Variants in CEP63 observed in about 807,000 individuals in gnomAD.
CEP63 encodes the protein centrosomal protein 63.
Under a neutral mutation model 89.1 loss-of-function variants are expected in CEP63, and 84 were observed. The ratio of observed to expected loss-of-function variants is 0.94; its 90% CI spans 0.79 to 1.13. The LOEUF (loss-of-function observed/expected upper bound fraction) is 1.13. CEP63 is among the 50% of genes most tolerant of loss of function. The probability of loss-of-function intolerance (pLI) is 0.00; values close to 1 mark genes in which losing one functional copy is unlikely to be tolerated. For synonymous variants in CEP63, 267 were observed against 272.5 expected (o/e 0.98, Z 0.20); for missense variants, 838 against 813.3 (o/e 1.03, Z -0.37).
chr3:134,605,787 T>C, the CEP63 span, among the ~76,000 whole-genome samples: 3 of 152,016 alleles, frequency 2.0e-5, no homozygotes, highest in African/African-American at 7.3e-5. Context: ...TTGGAGGACC[T>C]AGGCTGCTGG....
At chr3:134,653,838 T>C in the CEP63 span, among the ~76,000 whole-genome samples, 2 of 152,240 alleles carry the variant, frequency 1.3e-5, no homozygotes, top group Non-Finnish European at 2.9e-5. Flanking sequence ...AACCCACACA[T>C]GCTTCAACAG....
At chr3:134,757,735 T>C in the CEP63 span, among the ~76,000 whole-genome samples, 2 of 152,076 alleles carry the variant, frequency 1.3e-5, no homozygotes, top group Non-Finnish European at 2.9e-5. Context: ...TGGTGCAGAA[T>C]TGTAACTGAC....
At chr3:134,770,542 T>A in the CEP63 span, among the ~76,000 whole-genome samples, 1 of 152,270 alleles carries the variant, frequency 6.6e-6, no homozygotes, top group Non-Finnish European at 1.5e-5. Flanking sequence ...GTTTCTTATA[T>A]GAATCTCTGA....
At chr3:134,773,194 G>A in the CEP63 span, among the ~76,000 whole-genome samples, 1 of 152,148 alleles carries the variant, frequency 6.6e-6, no homozygotes, top group Non-Finnish European at 1.5e-5. Flanking sequence ...ATCCAAGGCT[G>A]CAAGATCCTG....
chr3:134,680,073 A>G, the CEP63 span, among the ~76,000 whole-genome samples: 1 of 152,188 alleles, frequency 6.6e-6, no homozygotes. Flanking sequence ...ACACACACAC[A>G]CACAGAAGGA....
chr3:134,682,753 A>G, the CEP63 span, among the ~76,000 whole-genome samples: 1 of 152,326 alleles, frequency 6.6e-6, no homozygotes, highest in South Asian at 2.1e-4. Context: ...TGCTTTACTC[A>G]TTCAGTGCTC....
At chr3:134,506,941 AAAG>A (rs1434758985) in intron 2 of CEP63, among the ~76,000 whole-genome samples, 165 bp from the exon 3 acceptor site, 2 of 151,446 alleles carry the variant, frequency 1.3e-5, no homozygotes, top group Non-Finnish European at 2.9e-5. Flanking sequence ...AAAAAAAAAA[AAAG>A]CTCAGCAATC....
chr3:134,771,323 C>G, the CEP63 span, among the ~76,000 whole-genome samples: 1 of 152,160 alleles, frequency 6.6e-6, no homozygotes, highest in African/African-American at 2.4e-5. Flanking sequence ...ATGGATGAAG[C>G]TAGAAACCAT....
Position 134,537,789 on chromosome 3 carries a change from G to A in CEP63, c.555+521G>A, listed in dbSNP as rs541544552. Among the ~76,000 whole-genome samples the A allele has an allele frequency of 2.6e-5, 4 of 152,276 alleles. No individual in the cohort carries two copies. In the East Asian group the frequency reaches 7.7e-4, roughly 29 times the overall value. ...GGGGTATCTTGGCCGAAGTGTCTCA[G>A]CTAGGGAGCTTCAGTTAGTCTGCCT... On this transcript the variant is annotated intron_variant, in intron 6 of 14. Transcript: ENST00000675561.
chr3:134,590,887 C>T (rs1264664945), downstream of CEP63, among the ~76,000 whole-genome samples: 1 of 152,132 alleles, frequency 6.6e-6, no homozygotes, highest in African/African-American at 2.4e-5. Flanking sequence ...ACAGGTCTGC[C>T]CTGCTCCTGT....
rs776300685 is a variant in CEP63 at position 134,531,886 on chromosome 3, C to A, written c.264C>A (p.Ile88=). ...LHQQVEEHEK[I]KQEMTMEYKQ... ...AGCAGGTAGAAGAACATGAAAAAAT[C>A]AAGCAAGAGATGACCATGGAATATA... Residue 88 remains isoleucine, a synonymous_variant, in exon 4 of 15, where the codon ATC becomes ATA. Transcript: ENST00000675561. 1.9e-6 allele frequency: 3 copies of A among 1,613,406 alleles called. No individual in the cohort carries two copies. In the African/African-American group the frequency reaches 4.0e-5, roughly 22 times the overall value.
At chr3:134,748,577 G>A in the CEP63 span, among the ~76,000 whole-genome samples, 1 of 152,172 alleles carries the variant, frequency 6.6e-6, no homozygotes, top group African/African-American at 2.4e-5. Flanking sequence ...AGCTCAGTGA[G>A]CTTGCTATGA....
At chr3:134,742,326 G>C in the CEP63 span, among the ~76,000 whole-genome samples, 1 of 152,148 alleles carries the variant, frequency 6.6e-6, no homozygotes, top group South Asian at 2.1e-4. Flanking sequence ...GAGGATGAGA[G>C]AGTCTAGTGT....
chr3:134,696,766 T>G, the CEP63 span, among the ~76,000 whole-genome samples: 10 of 152,204 alleles, frequency 6.6e-5, no homozygotes, highest in Non-Finnish European at 1.0e-4. Flanking sequence ...ATTGCTTTTT[T>G]CCTTACTTGT....
chr3:134,756,078 G>T, the CEP63 span, among the ~76,000 whole-genome samples: 21 of 152,338 alleles, frequency 1.4e-4, no homozygotes, highest in African/African-American at 1.9e-4. Flanking sequence ...AGCCCTTTGT[G>T]CTGGGAACTT....
At chr3:134,647,002 A>G in the CEP63 span, among the ~76,000 whole-genome samples, 1 of 152,332 alleles carries the variant, frequency 6.6e-6, no homozygotes, top group Admixed American at 6.5e-5. Context: ...GTCCCAGGCC[A>G]GCAGGGAGCT....
the CEP63 span, among the ~76,000 whole-genome samples, chr3:134,725,218 T>C: frequency 6.6e-6 from 1 of 152,242 alleles, no homozygotes. Context: ...TTGATATTTG[T>C]CATCAAATTT....
At chr3:134,644,750 G>C in the CEP63 span, among the ~76,000 whole-genome samples, 23 of 152,338 alleles carry the variant, frequency 1.5e-4, no homozygotes, top group Non-Finnish European at 2.5e-4. Flanking sequence ...CAATCAAGGT[G>C]GGGGGTGAGG....
intron 6 of CEP63, among the ~76,000 whole-genome samples, chr3:134,542,940 C>CAAAA (rs10645147): frequency 3.4e-5 from 5 of 147,674 alleles, no homozygotes; most frequent in African/African-American, 7.4e-5. Flanking sequence ...GTGGTTAGTG[C>CAAAA]AAAAAAAAAA....
Sources: allele counts gnomAD v4.1 joint callset (sites outside exome capture counted in the v4.1 genomes callset), GRCh38; gene constraint gnomAD v4.1.1; transcripts MANE v1.5; gene names NCBI Gene and HGNC (gene_info 2026-07-23, HGNC 2026-07-21).